Variants in SETDB2 observed in about 807,000 individuals in gnomAD.
SETDB2 encodes SET domain bifurcated histone lysine methyltransferase 2.
Under a neutral mutation model 82.5 loss-of-function variants are expected in SETDB2, and 56 were observed. That is an observed-to-expected ratio of 0.68 (90% confidence interval 0.55 to 0.85). The LOEUF is 0.85. Among genes scored for constraint, SETDB2 ranks in the 40% least tolerant of loss-of-function variants. SETDB2 has a pLI of 0.00. For synonymous variants in SETDB2, 272 were observed against 284.9 expected (o/e 0.95, Z 0.46); for missense variants, 677 against 816.4 (o/e 0.83, Z 2.08).
At chr13:49,457,785 C>T (rs769205184) in intron 2 of SETDB2, among the ~76,000 whole-genome samples, 1 of 152,138 alleles carries the variant, frequency 6.6e-6, no homozygotes, top group East Asian at 1.9e-4. Context: ...TGTTGTCTTT[C>T]AGCATCACAG....
At chr13:49,470,579 G>C (rs563619243) in intron 5 of SETDB2, among the ~76,000 whole-genome samples, 3 of 152,302 alleles carry the variant, frequency 2.0e-5, no homozygotes, top group African/African-American at 7.2e-5. Flanking sequence ...TGAGCATGGT[G>C]GCTCACACCT....
intron 1 of SETDB2, chr13:49,446,433 G>A (rs1404943511): frequency 2.2e-6 from 1 of 455,748 alleles, no homozygotes; most frequent in South Asian, 1.6e-5. Context: ...CCCTACTCCC[G>A]CTGGAGACTT....
chr13:49,485,967 CAGA>C (rs910282651), intron 11 of SETDB2: 39 of 617,704 alleles, frequency 6.3e-5, no homozygotes, highest in African/African-American at 6.3e-4. Context: ...TGAAAAAAAT[CAGA>C]AGGTGATAAT....
chr13:49,457,548 C>G (rs1196192042), intron 2 of SETDB2, among the ~76,000 whole-genome samples: 2 of 151,564 alleles, frequency 1.3e-5, no homozygotes, highest in African/African-American at 4.9e-5. Flanking sequence ...ATTCTCATGC[C>G]TCAGCCTCCC....
At position 49,467,675 on chromosome 13, in the gene SETDB2, T is replaced by G. The variant is rs75024545; in HGVS notation, c.209-189T>G. Among the ~76,000 whole-genome samples the G allele has an allele frequency of 1.9e-3, 291 of 152,340 alleles. No homozygotes were observed. Among genetic ancestry groups the G allele is most frequent in the Middle Eastern group, 0.01 (3 of 294 alleles). The stretch of plus-strand genomic sequence containing the variant: ...AATCTTTTCTGTCCTCAGTATTTTA[T>G]CCTAGTTTATTCATATTTTTGAAAA... On this transcript the variant is annotated intron_variant, in intron 4 of 13. Coordinates refer to ENST00000611815, the MANE Select transcript of SETDB2 (RefSeq NM_001160308.3).
intron 8 of SETDB2, 78 bp downstream of exon 8, chr13:49,481,194 G>T (rs1566172165): frequency 7.3e-7 from 1 of 1,363,582 alleles, no homozygotes; most frequent in South Asian, 1.4e-5. Context: ...AGCCAGGGCT[G>T]TTGAGAGCTT....
intron 2 of SETDB2, among the ~76,000 whole-genome samples, chr13:49,458,623 C>T (rs1165571128): frequency 6.6e-6 from 1 of 152,204 alleles, no homozygotes; most frequent in African/African-American, 2.4e-5. Flanking sequence ...GGAATTACAT[C>T]TACTCTATGG....
chr13:49,468,536 G>A (rs1958161353), intron 5 of SETDB2, among the ~76,000 whole-genome samples: 1 of 151,448 alleles, frequency 6.6e-6, no homozygotes. Context: ...ACTAATTACA[G>A]GGAAGTTTCT....
At chr13:49,468,312 T>G (rs1321349741) in intron 5 of SETDB2, among the ~76,000 whole-genome samples, 1 of 152,142 alleles carries the variant, frequency 6.6e-6, no homozygotes, top group Non-Finnish European at 1.5e-5. Context: ...TCTTTCAGTA[T>G]CAGTTGAGTT....
intron 2 of SETDB2, among the ~76,000 whole-genome samples, chr13:49,452,682 T>C (rs1370086271): frequency 6.6e-6 from 1 of 152,220 alleles, no homozygotes; most frequent in Non-Finnish European, 1.5e-5. Context: ...CTGCTTAGGC[T>C]CCTCCTAGCT....
At position 49,460,153 on chromosome 13, in the gene SETDB2, G is replaced by A; in HGVS notation, c.63G>A (p.Val21=). 4 of 1,613,270 alleles carry A rather than the reference G, an allele frequency of 2.5e-6. No homozygotes were observed. The highest frequency in any genetic ancestry group is 3.4e-6 in the Non-Finnish European group (4 of 1,179,560). ...FWMELEDDGK[V]DFIFEQVQNV... is the part of the protein sequence containing the mutation. ...TGGAGCTAGAAGATGATGGAAAAGT[G>A]GACTTCATTTTTGAACAAGTACAAA... is the stretch of plus-strand genomic sequence containing the variant. Residue 21 remains valine, a synonymous_variant, in exon 3 of 14, where the codon GTG becomes GTA. Coordinates refer to ENST00000611815, the MANE Select transcript of SETDB2 (RefSeq NM_001160308.3).
intron 6 of SETDB2, 63 bp from the exon 7 acceptor site, chr13:49,480,156 G>A (rs1958449386): frequency 9.7e-7 from 1 of 1,034,950 alleles, no homozygotes; most frequent in Non-Finnish European, 1.5e-6. Context: ...CATTTATCAA[G>A]ACAGTCTCTT....
Position 49,451,677 on chromosome 13 carries a change from G to C in SETDB2, c.-217G>C, listed in dbSNP as rs930401703. 4 of 384,518 alleles carry C rather than the reference G, an allele frequency of 1.0e-5. No homozygotes were observed. Among genetic ancestry groups the C allele is most frequent in the Admixed American group, 4.7e-5 (1 of 21,450 alleles). The allele number at this position is 384,518 out of a possible 1,614,324, so 23.8% of individuals were successfully genotyped here. A position where few individuals can be genotyped will look rare whatever the true frequency, so the allele number is the denominator to read the frequency against. ...GATTCATGGACTTGTCTTTTGGTTG[G>C]ACTGTCACTCATTTCTGAAAGTTTC... On this transcript the variant is annotated 5_prime_UTR_variant, in exon 2 of 14. Transcript: ENST00000611815.
intron 4 of SETDB2, among the ~76,000 whole-genome samples, chr13:49,467,398 C>CA (rs5803465): frequency 4.6e-5 from 7 of 151,372 alleles, no homozygotes; most frequent in Non-Finnish European, 8.9e-5. Flanking sequence ...GACTCTGTCT[C>CA]AAAAAAAAAG....
chr13:49,488,652 C>T lies in SETDB2; in HGVS notation c.1917+22C>T, dbSNP rs756991838. ...TAATGTGAGTATAAGGGCTGAGATT[C>T]CTATTTCTGAACAACTGTTTTTTTC... On this transcript the variant is annotated intron_variant, in intron 12 of 13. Transcript: ENST00000611815. The T allele has an allele frequency of 3.3e-5, 50 of 1,521,540 alleles. No individual in the cohort carries two copies. In the South Asian group the frequency reaches 6.3e-4, roughly 19 times the overall value. The allele number at this position is 1,521,540 out of a possible 1,614,324, so 94.3% of individuals were successfully genotyped here. A position where few individuals can be genotyped will look rare whatever the true frequency, so the allele number is the denominator to read the frequency against.
At chr13:49,474,309 C>A (rs1365303517) in intron 5 of SETDB2, among the ~76,000 whole-genome samples, 2 of 152,108 alleles carry the variant, frequency 1.3e-5, no homozygotes, top group Non-Finnish European at 2.9e-5. Context: ...ATCCTTTTAC[C>A]TGTTAGACTC....
At chr13:49,459,946 T>C (rs968615914) in intron 2 of SETDB2, 161 bp from the exon 3 acceptor site, 2 of 609,738 alleles carry the variant, frequency 3.3e-6, no homozygotes, top group South Asian at 5.4e-5. Flanking sequence ...TCTAGCTCTT[T>C]GTAAGGAAAC....
At chr13:49,480,797 A>G (rs1958462092) in intron 7 of SETDB2, 150 bp from the exon 8 acceptor site, 1 of 657,078 alleles carries the variant, frequency 1.5e-6, no homozygotes, top group Non-Finnish European at 2.6e-6. Flanking sequence ...CAGCTAGTAA[A>G]TGTGGAAGCT....
At chr13:49,483,409 A>G in intron 9 of SETDB2, 55 bp from the exon 10 acceptor site, 1 of 655,568 alleles carries the variant, frequency 1.5e-6, no homozygotes, top group Non-Finnish European at 2.5e-6. Context: ...GTACTTGAGT[A>G]AAGAGAATGA....
Sources: gnomAD v4.1 joint callset for allele counts (sites outside exome capture counted in the v4.1 genomes callset) on GRCh38, gnomAD v4.1.1 for gene constraint, MANE v1.5 for transcripts, NCBI Gene and HGNC (gene_info 2026-07-23, HGNC 2026-07-21) for gene names.